The following CPLX2 variants were observed in gnomAD, a reference collection of about 807,000 sequenced individuals.
CPLX2 encodes the protein complexin 2.
CPLX2 carries 5 observed loss-of-function variants against 16.3 expected under a neutral mutation model. The ratio of observed to expected loss-of-function variants is 0.31; its 90% CI spans 0.16 to 0.64. The LOEUF is 0.64. CPLX2 is among the 30% of genes least tolerant of loss of function. The probability of loss-of-function intolerance (pLI) is 0.79; values close to 1 mark genes in which losing one functional copy is unlikely to be tolerated. For missense variants in CPLX2, 144 were observed against 181.4 expected (o/e 0.79, Z 1.18); for synonymous variants, 89 against 73.2 (o/e 1.22, Z -1.10).
chr5:175,829,891 G>A (rs1758701728), intron 2 of CPLX2, among the ~76,000 whole-genome samples: 2 of 152,200 alleles, frequency 1.3e-5, no homozygotes, highest in Admixed American at 6.5e-5. Flanking sequence ...AGGATGCGGG[G>A]TAAGCTGATG....
intron 2 of CPLX2, among the ~76,000 whole-genome samples, chr5:175,857,694 C>T (rs746536067): frequency 1.9e-4 from 29 of 152,298 alleles, no homozygotes; most frequent in Non-Finnish European, 4.1e-4. Flanking sequence ...ATGTGTATTG[C>T]TTTCACACCA....
At chr5:175,848,027 C>T (rs1463510491) in intron 2 of CPLX2, among the ~76,000 whole-genome samples, 1 of 152,246 alleles carries the variant, frequency 6.6e-6, no homozygotes, top group Non-Finnish European at 1.5e-5. Flanking sequence ...TGTGCCAGGC[C>T]CTGGGGCCAA....
At chr5:175,799,548 A>ATTTATATATATTTATATT (rs33953622) in intron 1 of CPLX2, among the ~76,000 whole-genome samples, 1 of 125,468 alleles carries the variant, frequency 8.0e-6, no homozygotes. Flanking sequence ...TCATATATAT[A>ATTTATATATATTTATATT]TATATATATA....
At chr5:175,871,433 C>CAGAGAGAGAGAGAGAGAGAGAGAG (rs1224968162), upstream of CPLX2, 4 of 27,532 alleles carry the variant, frequency 1.5e-4, no homozygotes, top group African/African-American at 1.5e-4. Flanking sequence ...GAGAGAGAGA[C>CAGAGAGAGAGAGAGAGAGAGAGAG]AGAGAGAGAG....
chr5:175,806,548 T>C, intron 1 of CPLX2, among the ~76,000 whole-genome samples: 1 of 152,202 alleles, frequency 6.6e-6, no homozygotes, highest in East Asian at 1.9e-4. Flanking sequence ...TGGAGTGCAA[T>C]GGTGCCATCT....
At chr5:175,822,989 A>G (rs1202194052) in intron 2 of CPLX2, among the ~76,000 whole-genome samples, 1 of 152,262 alleles carries the variant, frequency 6.6e-6, no homozygotes, top group Non-Finnish European at 1.5e-5. Context: ...GAGACAAGAA[A>G]CACAGGGAAA....
intron 2 of CPLX2, among the ~76,000 whole-genome samples, chr5:175,811,115 G>C (rs1312436269): frequency 6.6e-6 from 1 of 152,244 alleles, no homozygotes; most frequent in African/African-American, 2.4e-5. Context: ...ATGGCACATA[G>C]TAAGTGCTCG....
intron 1 of CPLX2, among the ~76,000 whole-genome samples, chr5:175,874,205 G>A (rs992917604): frequency 2.6e-5 from 4 of 152,190 alleles, no homozygotes; most frequent in African/African-American, 9.7e-5. Context: ...ACAGTTAGAG[G>A]TTATGGATAA....
At chr5:175,868,878 C>A (rs552982020), upstream of CPLX2, among the ~76,000 whole-genome samples, 1 of 152,146 alleles carries the variant, frequency 6.6e-6, no homozygotes. Flanking sequence ...GGTCTGGAAC[C>A]CTGGCTCTGC....
chr5:175,883,565 T>G lies in CPLX2; in HGVS notation c.*3520T>G, dbSNP rs1400556966. 2.0e-5 allele frequency: 3 copies of G among 152,420 alleles called. No individual in the cohort carries two copies. Among genetic ancestry groups the G allele is most frequent in the East Asian group, 3.9e-4 (2 of 5,170 alleles). The allele number at this position is 152,420 out of a possible 1,614,324, so 9.4% of individuals were successfully genotyped here. ...AGCCCTAGTACCCAGCTGGCAGGGTTGCCCACCCCTGCTGTCCACCTGCTC... is the reference window on the plus strand; with the variant it reads ...AGCCCTAGTACCCAGCTGGCAGGGTGGCCCACCCCTGCTGTCCACCTGCTC... On this transcript the variant is annotated 3_prime_UTR_variant, in exon 4 of 4. Transcript: ENST00000393745.
chr5:175,842,818 C>A (rs193204749), intron 2 of CPLX2, among the ~76,000 whole-genome samples: 4 of 152,248 alleles, frequency 2.6e-5, no homozygotes, highest in Non-Finnish European at 5.9e-5. Context: ...GCTAAACACC[C>A]AACTCGTGAC....
At chr5:175,841,649 A>G (rs773771277) in intron 2 of CPLX2, among the ~76,000 whole-genome samples, 6 of 152,150 alleles carry the variant, frequency 3.9e-5, no homozygotes, top group African/African-American at 4.8e-5. Context: ...GGGACACATG[A>G]GTGCCTCTCA....
intron 2 of CPLX2, 46 bp downstream of exon 2, chr5:175,878,816 T>C: frequency 6.2e-7 from 1 of 1,610,710 alleles, no homozygotes; most frequent in Non-Finnish European, 8.5e-7. Flanking sequence ...GTCCCACCCT[T>C]GTGGGAGGTG....
intron 2 of CPLX2, among the ~76,000 whole-genome samples, chr5:175,864,610 G>T (rs1581098303): frequency 6.6e-6 from 1 of 152,186 alleles, no homozygotes; most frequent in Admixed American, 6.5e-5. Context: ...TGAAGCATTT[G>T]CATCTCTCAC....
intron 2 of CPLX2, among the ~76,000 whole-genome samples, chr5:175,813,546 C>T (rs932028278): frequency 1.3e-5 from 2 of 152,252 alleles, no homozygotes; most frequent in African/African-American, 4.8e-5. Context: ...CAGGCCCAGT[C>T]GGTCTGGAAC....
rs772835523 is a variant in CPLX2 at position 175,830,027 on chromosome 5, C to T, written c.-89+20959C>T. ...CTGTTGGTGGAAGCCAGTCACAGGT[C>T]ACTGCCTAGCGGTCTCTCTCATCCA... On this transcript the variant is annotated intron_variant, in intron 2 of 4. Coordinates refer to the CPLX2 transcript ENST00000359546. The surrounding 1 kb of genome is among the most constrained non-coding windows in gnomAD (Gnocchi z 4.0). 6.6e-6 allele frequency among the ~76,000 whole-genome samples: 1 copy of T among 152,218 alleles called. No individual in the cohort carries two copies. Among genetic ancestry groups the T allele is most frequent in the Non-Finnish European group, 1.5e-5 (1 of 68,030 alleles).
chr5:175,822,389 T>C lies in CPLX2; in HGVS notation c.-89+13321T>C, dbSNP rs1758528476. On this transcript the variant is annotated intron_variant, in intron 2 of 4. Coordinates refer to the CPLX2 transcript ENST00000359546. ...GTCTCAGCCCAGTGACTCAACTCTC[T>C]AAGCCTTCATTTCATCATCTGGAAA... 2.0e-5 allele frequency among the ~76,000 whole-genome samples: 3 copies of C among 152,232 alleles called. No individual in the cohort carries two copies. The South Asian group carries it at 6.2e-4, about 32-fold the overall frequency.
chr5:175,840,098 A>T (rs1266275203), intron 2 of CPLX2, among the ~76,000 whole-genome samples: 1 of 151,692 alleles, frequency 6.6e-6, no homozygotes. Flanking sequence ...AACAAAGGTG[A>T]TTTTTTTTTC....
chr5:175,815,335 C>T (rs567346262), intron 2 of CPLX2, among the ~76,000 whole-genome samples: 25 of 149,134 alleles, frequency 1.7e-4, no homozygotes, highest in African/African-American at 5.7e-4. Context: ...TGAGAACCGA[C>T]TCACTCAGGG....
Sources: gnomAD v4.1 joint callset for allele counts (sites outside exome capture counted in the v4.1 genomes callset) on GRCh38, gnomAD v4.1.1 for gene constraint, Gnocchi (gnomAD v3.1) non-coding constraint, MANE v1.5 for transcripts, NCBI Gene and HGNC (gene_info 2026-07-23, HGNC 2026-07-21) for gene names.